Variants in USP9X observed in about 807,000 individuals in gnomAD.
USP9X encodes ubiquitin specific peptidase 9 X-linked, also known as ubiquitin carboxyl-terminal hydrolase 9X.
Under a neutral mutation model 190.3 loss-of-function variants are expected in USP9X, and 7 were observed. The ratio of observed to expected loss-of-function variants is 0.04; its 90% CI spans 0.02 to 0.07. The LOEUF (loss-of-function observed/expected upper bound fraction) is 0.07. USP9X is among the 10% of genes least tolerant of loss of function. The pLI is 1.00. For synonymous variants in USP9X, 645 were observed against 659.5 expected (o/e 0.98, Z 0.34); for missense variants, 1,010 against 1,916.9 (o/e 0.53, Z 8.83).
Position 41,217,282 on chromosome X carries a change from A to C in USP9X, c.6148A>C (p.Arg2050=), listed in dbSNP as rs778072306. 3 of 1,211,055 alleles carry C rather than the reference A, an allele frequency of 2.5e-6. No individual in the cohort carries two copies. Among genetic ancestry groups the C allele is most frequent in the Non-Finnish European group, 3.4e-6 (3 of 894,906 alleles). ...TATGATCAGTATTCAACTTGCTGCT[A>C]GGTTCCTCTTTACTACAGGATTTCA... ...ITMISIQLAA[R]FLFTTGFHTK... The change falls in exon 36 of 45, where the codon AGG becomes CGG. Residue 2050 remains arginine (R), a synonymous_variant. Coordinates refer to ENST00000378308, the MANE Select transcript of USP9X (RefSeq NM_001039591.3).
chrX:41,210,477 A>G, intron 32 of USP9X, 32 bp from the exon 33 acceptor site: 4 of 1,191,968 alleles, frequency 3.4e-6, no homozygotes, highest in Non-Finnish European at 4.5e-6. Context: ...TGAATGTTAC[A>G]TGTTACATGT....
chrX:41,103,155 G>A (rs375051831), intron 1 of USP9X, among the ~76,000 whole-genome samples: 5 of 112,337 alleles, frequency 4.5e-5, no homozygotes, highest in Admixed American at 9.4e-5. Flanking sequence ...AGGCATACCC[G>A]CATTCTGTAA....
intron 2 of USP9X, among the ~76,000 whole-genome samples, chrX:41,127,027 G>A (rs2062261290): frequency 9.0e-6 from 1 of 110,826 alleles, no homozygotes; most frequent in Non-Finnish European, 1.9e-5. Flanking sequence ...TTGCTGGGAG[G>A]GTGCAAATTT....
Position 41,216,399 on chromosome X carries a change from G to A in USP9X, c.5832G>A (p.Arg1944=), listed in dbSNP as rs1434469336. 8.3e-7 allele frequency: 1 copy of A among 1,209,575 alleles called. No homozygotes were observed. The highest frequency in any genetic ancestry group is 1.8e-5 in the African/African-American group (1 of 56,946). ...GTATGTCATACAGGCGCCAGAAAAGGTGGTGGAATGCTTATATACTTTTTT... is the reference window on the plus strand; with the variant it reads ...GTATGTCATACAGGCGCCAGAAAAGATGGTGGAATGCTTATATACTTTTTT... The part of the protein sequence containing the change: ...MKRMSYRRQK[R]WWNAYILFYE... The change falls in exon 35 of 45, where the codon AGG becomes AGA. Residue 1944 remains arginine, a synonymous_variant. Coordinates refer to ENST00000378308, the MANE Select transcript of USP9X (RefSeq NM_001039591.3).
intron 3 of USP9X, 90 bp from the exon 4 acceptor site, chrX:41,131,367 A>G (rs745365791): frequency 4.6e-6 from 3 of 655,760 alleles, no homozygotes; most frequent in East Asian, 7.4e-5. Context: ...AAATATTTTC[A>G]TAGCAAGATA....
chrX:41,179,512 T>C (rs1381801684), intron 21 of USP9X, among the ~76,000 whole-genome samples: 3 of 112,158 alleles, frequency 2.7e-5, no homozygotes, highest in Admixed American at 9.5e-5. Flanking sequence ...GTAGCTATTG[T>C]GAGATAACTT....
chrX:41,182,226 T>C (rs1038394020), intron 21 of USP9X, among the ~76,000 whole-genome samples: 3 of 110,901 alleles, frequency 2.7e-5, no homozygotes, highest in Non-Finnish European at 1.9e-5. Context: ...TATGCAAAAA[T>C]TAGCTGGGCA....
intron 11 of USP9X, among the ~76,000 whole-genome samples, chrX:41,145,755 T>C (rs1373883959): frequency 9.0e-6 from 1 of 111,551 alleles, no homozygotes; most frequent in Non-Finnish European, 1.9e-5. Context: ...TTTCTAGATA[T>C]TTCACAGTAG....
chrX:41,108,911 G>GC (rs1008593458), intron 1 of USP9X, among the ~76,000 whole-genome samples: 14 of 111,333 alleles, frequency 1.3e-4, no homozygotes, highest in Non-Finnish European at 1.5e-4. Context: ...GGAAAAAAGA[G>GC]CCCCAGACTT....
At chrX:41,225,754 CAT>C (rs1161006253) in intron 41 of USP9X, among the ~76,000 whole-genome samples, 1 of 112,687 alleles carries the variant, frequency 8.9e-6, no homozygotes, top group Non-Finnish European at 1.9e-5. Flanking sequence ...TTTGTTGACT[CAT>C]AAAGTTCACA....
At position 41,218,475 on chromosome X, in the gene USP9X, C is replaced by T; in HGVS notation, c.6313C>T (p.Leu2105=). 8.3e-7 allele frequency: 1 copy of T among 1,211,665 alleles called. No individual in the cohort carries two copies. The highest frequency in any genetic ancestry group is 1.8e-5 in the South Asian group (1 of 57,006). The change falls in exon 37 of 45, where the codon CTG becomes TTG. Residue 2105 remains leucine (L), a synonymous_variant. Transcript: ENST00000378308. ...NVSNRFSEYL[L]ECPSAEVRGA... The stretch of plus-strand genomic sequence containing the variant: ...TTCAAATCGCTTCTCCGAATACCTT[C>T]TGGAGTGCCCTAGTGCAGAAGTGAG...
At chrX:41,113,898 C>A (rs2062127489) in intron 1 of USP9X, among the ~76,000 whole-genome samples, 1 of 112,764 alleles carries the variant, frequency 8.9e-6, no homozygotes, top group African/African-American at 3.2e-5. Context: ...TTAATGCACA[C>A]AAACGTTTTT....
chrX:41,191,484 C>T (rs1020907982), intron 26 of USP9X, among the ~76,000 whole-genome samples: 1 of 111,664 alleles, frequency 9.0e-6, no homozygotes, highest in Non-Finnish European at 1.9e-5. Flanking sequence ...GTACTTCTCA[C>T]TTAATCCGTA....
intron 1 of USP9X, among the ~76,000 whole-genome samples, chrX:41,117,470 A>G (rs755550421): frequency 9.0e-6 from 1 of 111,487 alleles, no homozygotes; most frequent in African/African-American, 3.3e-5. Flanking sequence ...TGATCTCCAA[A>G]TGCTAAAAGA....
chrX:41,210,381 G>T, intron 32 of USP9X, 128 bp from the exon 33 acceptor site: 1 of 642,444 alleles, frequency 1.6e-6, no homozygotes, highest in South Asian at 2.8e-5. Flanking sequence ...TGTAATTGAG[G>T]AATAAAATCT....
intron 15 of USP9X, among the ~76,000 whole-genome samples, chrX:41,163,859 T>A (rs758061657): frequency 2.7e-4 from 30 of 110,498 alleles, no homozygotes; most frequent in African/African-American, 8.9e-4. Context: ...TATCACTGCT[T>A]CTTGAAGTCT....
intron 1 of USP9X, among the ~76,000 whole-genome samples, chrX:41,097,358 A>G (rs1373026244): frequency 1.8e-5 from 2 of 112,120 alleles, no homozygotes; most frequent in Non-Finnish European, 3.8e-5. Flanking sequence ...TTTCAGAGAA[A>G]ATGTTGATAC....
chrX:41,199,590 T>A (rs1325806719), intron 30 of USP9X, among the ~76,000 whole-genome samples: 2 of 110,316 alleles, frequency 1.8e-5, no homozygotes, highest in African/African-American at 6.6e-5. Flanking sequence ...CCACCATGCC[T>A]GGCTAATATT....
At chrX:41,092,050 C>G (rs1428703711) in intron 1 of USP9X, among the ~76,000 whole-genome samples, 1 of 111,798 alleles carries the variant, frequency 8.9e-6, no homozygotes, top group African/African-American at 3.3e-5. Flanking sequence ...AGAATTGATT[C>G]ATCTTCATTT....
Sources: allele counts gnomAD v4.1 joint callset (sites outside exome capture counted in the v4.1 genomes callset), GRCh38; gene constraint gnomAD v4.1.1; transcripts MANE v1.5; gene names NCBI Gene and HGNC (gene_info 2026-07-23, HGNC 2026-07-21).